GRIN2B: variants seen among roughly 807,000 people sequenced by gnomAD.
GRIN2B encodes the protein glutamate ionotropic receptor NMDA type subunit 2B, also known as glutamate receptor ionotropic, NMDA 2B.
A neutral mutation model predicts 114.5 loss-of-function variants in GRIN2B; 5 were observed. The ratio of observed to expected loss-of-function variants is 0.04; its 90% CI spans 0.02 to 0.09. The LOEUF is 0.09. Among genes scored for constraint, GRIN2B ranks in the 10% least tolerant of loss-of-function variants. GRIN2B has a pLI of 1.00. For synonymous variants in GRIN2B, 787 were observed against 745.1 expected (o/e 1.06, Z -0.92); for missense variants, 1,108 against 1,943.5 (o/e 0.57, Z 8.08).
chr12:13,871,004 A>C (rs1440147842), intron 2 of GRIN2B, among the ~76,000 whole-genome samples: 1 of 152,232 alleles, frequency 6.6e-6, no homozygotes, highest in Non-Finnish European at 1.5e-5. Context: ...GTGGTATAAC[A>C]TATAGGTACC....
chr12:13,979,279 T>G (rs1224276800), intron 2 of GRIN2B, among the ~76,000 whole-genome samples: 1 of 152,180 alleles, frequency 6.6e-6, no homozygotes, highest in African/African-American at 2.4e-5. Context: ...ACCTGCAGCA[T>G]CCTTCAATTC....
intron 4 of GRIN2B, among the ~76,000 whole-genome samples, chr12:13,738,090 G>A (rs777557638): frequency 1.3e-5 from 2 of 152,140 alleles, no homozygotes; most frequent in Non-Finnish European, 2.9e-5. Context: ...CAGCCTCCAG[G>A]AGAAACACTG....
chr12:13,791,526 C>T (rs1864321700), intron 3 of GRIN2B, among the ~76,000 whole-genome samples: 1 of 151,840 alleles, frequency 6.6e-6, no homozygotes, highest in Non-Finnish European at 1.5e-5. Flanking sequence ...GAAAGAACCA[C>T]AGAATGCACC....
intron 4 of GRIN2B, among the ~76,000 whole-genome samples, chr12:13,737,299 C>T (rs1041532957): frequency 6.6e-6 from 1 of 151,702 alleles, no homozygotes; most frequent in East Asian, 2.0e-4. Context: ...GCAAGCTCCA[C>T]CTCCCAGGTT....
rs1055456748 is a variant in GRIN2B, at chr12:13,957,094, A to G, written c.-19+22834T>C. ...GTGAACAAGAAAAGAGAAAGAAACC[A>G]GCAAAGACAGGGTCAGGCCACACCA... On this transcript the variant is annotated intron_variant, in intron 2 of 13. Transcript: ENST00000609686. Among the ~76,000 whole-genome samples, 14 of 152,110 alleles carry G rather than the reference A, an allele frequency of 9.2e-5. 1 individual carries two copies. The highest frequency in any genetic ancestry group is 2.6e-4 in the Admixed American group (4 of 15,288).
intron 11 of GRIN2B, 84 bp from the exon 12 acceptor site, chr12:13,570,101 G>T: frequency 1.1e-6 from 1 of 940,774 alleles, no homozygotes; most frequent in Non-Finnish European, 1.7e-6. Context: ...AAGCAGTAGG[G>T]TTCCAGAAAA....
intron 4 of GRIN2B, among the ~76,000 whole-genome samples, chr12:13,716,562 G>A (rs1465976336): frequency 1.3e-5 from 2 of 151,852 alleles, no homozygotes; most frequent in African/African-American, 2.4e-5. Flanking sequence ...AGTGAAATAC[G>A]AGATTGATGT....
intron 2 of GRIN2B, among the ~76,000 whole-genome samples, chr12:13,875,140 G>A (rs373693515): frequency 7.2e-5 from 11 of 151,808 alleles, no homozygotes; most frequent in African/African-American, 1.9e-4. Context: ...TGTTCTCATC[G>A]TTCAGCTCCC....
chr12:13,769,532 G>A (rs963054289), intron 3 of GRIN2B, among the ~76,000 whole-genome samples: 9 of 152,182 alleles, frequency 5.9e-5, no homozygotes, highest in Non-Finnish European at 4.4e-5. Flanking sequence ...AGCCACTGGT[G>A]TTTATTCAGT....
chr12:13,904,806 A>C (rs912478451), intron 2 of GRIN2B, among the ~76,000 whole-genome samples: 2 of 152,118 alleles, frequency 1.3e-5, no homozygotes, highest in Non-Finnish European at 2.9e-5. Context: ...AGAAGTCAGG[A>C]GTTCATCTGC....
chr12:13,844,294 G>A (rs1300810448), intron 3 of GRIN2B, among the ~76,000 whole-genome samples: 1 of 152,046 alleles, frequency 6.6e-6, no homozygotes, highest in Non-Finnish European at 1.5e-5. Flanking sequence ...CTCTGTATGG[G>A]TCCATTCCTC....
chr12:13,773,527 C>T (rs772961834), intron 3 of GRIN2B, among the ~76,000 whole-genome samples: 11 of 152,138 alleles, frequency 7.2e-5, no homozygotes, highest in Admixed American at 5.2e-4. Context: ...CAAAGGCAAG[C>T]AAATGCCTCT....
chr12:13,901,187 A>G (rs1195514395), intron 2 of GRIN2B, among the ~76,000 whole-genome samples: 3 of 152,268 alleles, frequency 2.0e-5, no homozygotes, highest in East Asian at 3.9e-4. Context: ...TTGAGTATAT[A>G]TCGGCAATTT....
In GRIN2B at chr12:13,687,348, G is replaced by T. The variant is rs541835627; in HGVS notation, c.1011-11489C>A. On this transcript the variant is annotated intron_variant, in intron 4 of 13. Coordinates refer to ENST00000609686, the MANE Select transcript of GRIN2B (RefSeq NM_000834.5). ...ATTATTTAAAGTAGGATAATATCTT[G>T]GTTCTCCTTATACAACTCAGGCTAG... Among the ~76,000 whole-genome samples, 14 of 151,950 alleles carry T rather than the reference G, an allele frequency of 9.2e-5. No homozygotes were observed. In the East Asian group the frequency reaches 2.1e-3, roughly 23 times the overall value.
chr12:13,857,043 TG>T (rs1865673434), intron 3 of GRIN2B, among the ~76,000 whole-genome samples: 1 of 152,210 alleles, frequency 6.6e-6, no homozygotes, highest in Non-Finnish European at 1.5e-5. Context: ...CAGTATTCAG[TG>T]CTGCAGAAGG....
chr12:13,644,005 C>T (rs762615802), intron 5 of GRIN2B, among the ~76,000 whole-genome samples: 10 of 152,114 alleles, frequency 6.6e-5, no homozygotes, highest in Non-Finnish European at 1.5e-4. Context: ...TTTTTCTAAA[C>T]TTTTGTTAAT....
At chr12:13,895,442 G>C (rs1391962260) in intron 2 of GRIN2B, among the ~76,000 whole-genome samples, 8 of 152,140 alleles carry the variant, frequency 5.3e-5, no homozygotes, top group Non-Finnish European at 8.8e-5. Flanking sequence ...TGAGCCCTTA[G>C]ATATGTATGT....
At chr12:13,665,149 G>T (rs7303248) in intron 5 of GRIN2B, among the ~76,000 whole-genome samples, 1 of 53,584 alleles carries the variant, frequency 1.9e-5, no homozygotes, top group South Asian at 1.2e-3. Context: ...GTGTGTGTTT[G>T]TGTGTGTGTG....
chr12:13,558,932 C>T lies in GRIN2B; in HGVS notation c.*3851G>A, dbSNP rs1948505985. 1 of 152,202 alleles carries T rather than the reference C, an allele frequency of 6.6e-6. No homozygotes were observed. The allele number at this position is 152,202 out of a possible 1,614,324, so 9.4% of individuals were successfully genotyped here. ...ACTGAAAGGAGTTCATACAGGACCACACTCACCAACCACTTCTGCAATGGA... is the reference window on the plus strand; with the variant it reads ...ACTGAAAGGAGTTCATACAGGACCATACTCACCAACCACTTCTGCAATGGA... On this transcript the variant is annotated 3_prime_UTR_variant, in exon 14 of 14. Coordinates refer to ENST00000609686, the MANE Select transcript of GRIN2B (RefSeq NM_000834.5).
Sources: allele counts gnomAD v4.1 joint callset (sites outside exome capture counted in the v4.1 genomes callset), GRCh38; gene constraint gnomAD v4.1.1; transcripts MANE v1.5; gene names NCBI Gene and HGNC (gene_info 2026-07-23, HGNC 2026-07-21).